The following TCERG1L variants were observed in gnomAD, a reference collection of about 807,000 sequenced individuals.
TCERG1L encodes transcription elongation regulator 1-like protein.
A neutral mutation model predicts 56.3 loss-of-function variants in TCERG1L; 37 were observed. That is an observed-to-expected ratio of 0.66 (90% CI 0.51 to 0.87). The LOEUF (loss-of-function observed/expected upper bound fraction) is 0.87. Ranked by LOEUF, TCERG1L falls within the 40% of genes least tolerant of loss-of-function variation. TCERG1L has a pLI of 0.00. For synonymous variants in TCERG1L, 324 were observed against 326.3 expected (o/e 0.99, Z 0.08); for missense variants, 799 against 774.2 (o/e 1.03, Z -0.38).
At chr10:131,160,191 G>A (rs1374064189) in intron 6 of TCERG1L, among the ~76,000 whole-genome samples, 1 of 152,172 alleles carries the variant, frequency 6.6e-6, no homozygotes, top group East Asian at 1.9e-4. Flanking sequence ...TAACACAGGA[G>A]GCGCCCACCT....
intron 6 of TCERG1L, among the ~76,000 whole-genome samples, chr10:131,154,822 G>A (rs1016116700): frequency 6.6e-6 from 1 of 152,236 alleles, no homozygotes; most frequent in African/African-American, 2.4e-5. Flanking sequence ...AAGGACACGA[G>A]CGTGCAACAG....
At chr10:131,237,003 C>T (rs900725920) in intron 4 of TCERG1L, among the ~76,000 whole-genome samples, 1 of 152,050 alleles carries the variant, frequency 6.6e-6, no homozygotes, top group Non-Finnish European at 1.5e-5. Context: ...CCTGAGTCAT[C>T]CCATTTCACC....
chr10:131,191,864 C>CAAAA lies in TCERG1L; in HGVS notation c.857-24983_857-24980dup, dbSNP rs59816491. On this transcript the variant is annotated intron_variant, in intron 4 of 11. Coordinates refer to ENST00000368642, the MANE Select transcript of TCERG1L (RefSeq NM_174937.4). ...TGGGGGACAGAGCAAGACTCCGTCT[C>CAAAA]AAAAAAAAAAAAAAAAAAAAAAAAA... Among the ~76,000 whole-genome samples the CAAAA allele has an allele frequency of 4.4e-3, 126 of 28,668 alleles. 1 individual carries two copies. Among genetic ancestry groups the CAAAA allele is most frequent in the South Asian group, 0.011 (9 of 854 alleles). The allele number at this position is 28,668 out of a possible 152,430, so 18.8% of individuals were successfully genotyped here. A position where few individuals can be genotyped will look rare whatever the true frequency, so the allele number is the denominator to read the frequency against.
At chr10:131,122,714 C>T (rs1423526288) in intron 8 of TCERG1L, among the ~76,000 whole-genome samples, 1 of 152,168 alleles carries the variant, frequency 6.6e-6, no homozygotes, top group Non-Finnish European at 1.5e-5. Context: ...AATTATCAAA[C>T]TTGAAGGAGG....
intron 3 of TCERG1L, among the ~76,000 whole-genome samples, chr10:131,304,562 C>T (rs1199795461): frequency 1.3e-5 from 2 of 151,988 alleles, no homozygotes; most frequent in East Asian, 1.9e-4. Flanking sequence ...GGTGGCCTCT[C>T]CCTGCCTGTC....
Position 131,114,136 on chromosome 10 carries a change from G to A in TCERG1L, c.1395+2663C>T, listed in dbSNP as rs969185165. ...TGCCCTTTTTAAACTACTAAAAACCGCAGGGTCCGTCCTTCATCACTCCAC... is the reference window on the plus strand; with the variant it reads ...TGCCCTTTTTAAACTACTAAAAACCACAGGGTCCGTCCTTCATCACTCCAC... On this transcript the variant is annotated intron_variant, in intron 9 of 11. Transcript: ENST00000368642. Among the ~76,000 whole-genome samples, 4 of 142,146 alleles carry A rather than the reference G, an allele frequency of 2.8e-5. 1 individual carries two copies. Among genetic ancestry groups the A allele is most frequent in the South Asian group, 5.2e-4 (2 of 3,840 alleles). The allele number at this position is 142,146 out of a possible 152,430, so 93.3% of individuals were successfully genotyped here. A position where few individuals can be genotyped will look rare whatever the true frequency, so the allele number is the denominator to read the frequency against.
chr10:131,181,378 C>G (rs776183306), intron 4 of TCERG1L, among the ~76,000 whole-genome samples: 1 of 152,238 alleles, frequency 6.6e-6, no homozygotes, highest in Non-Finnish European at 1.5e-5. Context: ...TGCGATTGGG[C>G]GGGCCTGGGC....
rs71009957 is a variant in TCERG1L, at chr10:131,291,401, C to CTTTT, written c.670+16806_670+16809dup. ...TGTGTATATTCCATAAACAGCATTT[C>CTTTT]TTTTTTTTTTTTTTTTTTTTTTTTT... On this transcript the variant is annotated intron_variant, in intron 3 of 11. Coordinates refer to ENST00000368642, the MANE Select transcript of TCERG1L (RefSeq NM_174937.4). Among the ~76,000 whole-genome samples, 205 of 36,590 alleles carry CTTTT rather than the reference C, an allele frequency of 5.6e-3. 76 individuals are homozygous for CTTTT. The highest frequency in any genetic ancestry group is 9.9e-3 in the East Asian group (9 of 908). 24.0% of individuals were successfully genotyped at this position (36,590 alleles called of 152,430 possible).
intron 8 of TCERG1L, among the ~76,000 whole-genome samples, chr10:131,125,102 G>A (rs1845551411): frequency 6.6e-6 from 1 of 152,176 alleles, no homozygotes; most frequent in Non-Finnish European, 1.5e-5. Flanking sequence ...TAGTTTTGAT[G>A]ACAATGATGG....
chr10:131,188,247 TTA>T (rs1441905532), intron 4 of TCERG1L, among the ~76,000 whole-genome samples: 2 of 152,168 alleles, frequency 1.3e-5, no homozygotes, highest in Admixed American at 6.5e-5. Flanking sequence ...ATGGCGAGGT[TTA>T]TGAGTGGAAA....
At chr10:131,105,695 G>C (rs1239654539) in intron 9 of TCERG1L, among the ~76,000 whole-genome samples, 2 of 151,860 alleles carry the variant, frequency 1.3e-5, no homozygotes. Flanking sequence ...AGTCATGAGT[G>C]ACTGGGAAAT....
At chr10:131,203,520 C>T (rs1369147629) in intron 4 of TCERG1L, among the ~76,000 whole-genome samples, 1 of 152,226 alleles carries the variant, frequency 6.6e-6, no homozygotes, top group Non-Finnish European at 1.5e-5. Context: ...ATGCACAGGA[C>T]TTCTCAGCCT....
chr10:131,231,634 C>G (rs1364309219), intron 4 of TCERG1L, among the ~76,000 whole-genome samples: 3 of 152,202 alleles, frequency 2.0e-5, no homozygotes, highest in Non-Finnish European at 4.4e-5. Flanking sequence ...CTGCCTTCCC[C>G]CTTTGCACTT....
At chr10:131,232,741 C>T (rs552526001) in intron 4 of TCERG1L, among the ~76,000 whole-genome samples, 1 of 152,286 alleles carries the variant, frequency 6.6e-6, no homozygotes, top group Non-Finnish European at 1.5e-5. Context: ...AAACCCTCCC[C>T]TCCTTGTTCC....
chr10:131,179,270 A>G (rs1407569059), intron 4 of TCERG1L, among the ~76,000 whole-genome samples: 1 of 152,246 alleles, frequency 6.6e-6, no homozygotes, highest in Non-Finnish European at 1.5e-5. Flanking sequence ...CCCAGGTCAC[A>G]GCGAGAGGCC....
At chr10:131,178,172 C>G (rs1845128790) in intron 4 of TCERG1L, among the ~76,000 whole-genome samples, 1 of 152,122 alleles carries the variant, frequency 6.6e-6, no homozygotes. Context: ...CACGTGAGGC[C>G]CTGAGCCTTT....
In TCERG1L at chr10:131,245,140, T is replaced by C. The variant is rs530195958; in HGVS notation, c.856+15119A>G. ...GCTGATGGGAGCCTGGTGGGATCTTTTGAGCTCCTGAAAGGTCTCATTGGT... is the reference window on the plus strand; with the variant it reads ...GCTGATGGGAGCCTGGTGGGATCTTCTGAGCTCCTGAAAGGTCTCATTGGT... On this transcript the variant is annotated intron_variant, in intron 4 of 11. Transcript: ENST00000368642. Among the ~76,000 whole-genome samples, 38 of 152,292 alleles carry C rather than the reference T, an allele frequency of 2.5e-4. No individual in the cohort carries two copies. The South Asian group carries it at 6.6e-3, about 27-fold the overall frequency.
At chr10:131,229,982 G>A (rs1410067926) in intron 4 of TCERG1L, among the ~76,000 whole-genome samples, 3 of 152,220 alleles carry the variant, frequency 2.0e-5, no homozygotes, top group Non-Finnish European at 4.4e-5. Context: ...CTCCGCAGAA[G>A]CAGCTCTGAG....
chr10:131,207,995 C>T (rs1483288329), intron 4 of TCERG1L, among the ~76,000 whole-genome samples: 2 of 152,156 alleles, frequency 1.3e-5, no homozygotes, highest in Non-Finnish European at 2.9e-5. Context: ...AACTCCACTT[C>T]CACAATGAGC....
Sources: allele counts gnomAD v4.1 joint callset (sites outside exome capture counted in the v4.1 genomes callset), GRCh38; gene constraint gnomAD v4.1.1; transcripts MANE v1.5; gene names NCBI Gene and HGNC (gene_info 2026-07-23, HGNC 2026-07-21).